Variants in CDR2L observed in about 807,000 individuals in gnomAD.
CDR2L encodes the protein cerebellar degeneration related protein 2 like.
Under a neutral mutation model 36.1 loss-of-function variants are expected in CDR2L, and 19 were observed. The ratio of observed to expected loss-of-function variants is 0.53; its 90% CI spans 0.37 to 0.77. The LOEUF is 0.77. CDR2L is among the 30% of genes least tolerant of loss of function. CDR2L has a pLI of 0.00. For synonymous variants in CDR2L, 285 were observed against 280.4 expected (o/e 1.02, Z -0.16); for missense variants, 575 against 627.2 (o/e 0.92, Z 0.89).
intron 1 of CDR2L, among the ~76,000 whole-genome samples, chr17:74,996,702 G>A (rs1012177661): frequency 6.6e-6 from 1 of 152,064 alleles, no homozygotes; most frequent in Non-Finnish European, 1.5e-5. Flanking sequence ...CCTTGGACTG[G>A]GGTCAGGGAG....
Position 75,001,391 on chromosome 17 carries a change from C to T in CDR2L, c.243C>T (p.Ala81=). 1 of 1,611,868 alleles carries T rather than the reference C, an allele frequency of 6.2e-7. No homozygotes were observed. Among genetic ancestry groups the T allele is most frequent in the Non-Finnish European group, 8.5e-7 (1 of 1,179,212 alleles). Residue 81 remains alanine (A), a synonymous_variant, in exon 3 of 5, where the codon GCC becomes GCT. Transcript: ENST00000337231. ...DTLRHVNEQH[A]KVYEQLDLTA... is the part of the protein sequence containing the mutation. ...TGCGGCACGTGAACGAGCAGCACGC[C>T]AAAGTCTATGAGCAGCTGGACCTGA...
rs1360859330 is a variant in CDR2L, at chr17:74,997,565, G to A, written c.80-1939G>A. ...GATTCTGTCCTAGATACTGTCCTGG[G>A]TCCTGGGGATATTCATGAGCAAAAC... is the stretch of plus-strand genomic sequence containing the variant. On this transcript the variant is annotated intron_variant, in intron 1 of 4. Coordinates refer to ENST00000337231, the MANE Select transcript of CDR2L (RefSeq NM_014603.3). Among the ~76,000 whole-genome samples, 3 of 152,196 alleles carry A rather than the reference G, an allele frequency of 2.0e-5. 1 individual carries two copies. Among genetic ancestry groups the A allele is most frequent in the South Asian group, 4.1e-4 (2 of 4,822 alleles).
At chr17:74,993,484 C>T (rs911420822) in intron 1 of CDR2L, among the ~76,000 whole-genome samples, 1 of 152,122 alleles carries the variant, frequency 6.6e-6, no homozygotes, top group Non-Finnish European at 1.5e-5. Flanking sequence ...CTATGTTGCC[C>T]AGTGCAATGA....
intron 2 of CDR2L, among the ~76,000 whole-genome samples, chr17:75,000,372 A>G (rs2039857623): frequency 0.03 from 2 of 66 alleles, no homozygotes; most frequent in Non-Finnish European, 0.059. Context: ...ATCTGGGCTC[A>G]CTGCAGCTCT....
intron 2 of CDR2L, 69 bp downstream of exon 2, chr17:74,999,685 C>A: frequency 1.1e-6 from 1 of 918,296 alleles, no homozygotes; most frequent in Non-Finnish European, 1.7e-6. Flanking sequence ...CTTTATGCAA[C>A]TTAGAATAAG....
chr17:74,987,748 C>T lies in CDR2L; in HGVS notation c.-296C>T, dbSNP rs1236857315. 1 of 180,636 alleles carries T rather than the reference C, an allele frequency of 5.5e-6. No individual in the cohort carries two copies. Among genetic ancestry groups the T allele is most frequent in the Non-Finnish European group, 1.2e-5 (1 of 86,956 alleles). 11.2% of individuals were successfully genotyped at this position (180,636 alleles called of 1,614,324 possible). A position where few individuals can be genotyped will look rare whatever the true frequency, so the allele number is the denominator to read the frequency against. On this transcript the variant is annotated 5_prime_UTR_variant, in exon 1 of 5. Coordinates refer to ENST00000337231, the MANE Select transcript of CDR2L (RefSeq NM_014603.3). Reference sequence around the variant, plus strand: ...GCTCCTAGCGCCCCAGACCCGCCTGCGGGCCCGGATCCTCCTTGCCACTGT... The same window carrying T: ...GCTCCTAGCGCCCCAGACCCGCCTGTGGGCCCGGATCCTCCTTGCCACTGT...
Position 75,003,834 on chromosome 17 carries a change from G to A in CDR2L, c.1158G>A (p.Val386=), listed in dbSNP as rs2039885407. The change falls in exon 5 of 5, where the codon GTG becomes GTA. Residue 386 remains valine, a synonymous_variant. Transcript: ENST00000337231. ...GGGCCGGAGTGCGGCACGCCGGCGT[G>A]CAGACCTCGCGCCCCATCTCCCGGG... is the stretch of plus-strand genomic sequence containing the variant. ...QHGAGVRHAG[V]QTSRPISRDS... 6.4e-7 allele frequency: 1 copy of A among 1,569,088 alleles called. No individual in the cohort carries two copies. Among genetic ancestry groups the A allele is most frequent in the African/African-American group, 1.4e-5 (1 of 73,806 alleles).
rs143437984 is a variant in CDR2L at position 75,003,482 on chromosome 17, A to C, written c.806A>C (p.Asp269Ala). ...AAGACCTACCTACTGGGTCCGGACG[A>C]CCACCTGGCCGAGGCCCTGCTCGCA... ...QAKTYLLGPD[D>A]HLAEALLAPL... Residue 269 changes from aspartate (D) to alanine (A), a missense_variant, in exon 5 of 5, where the codon GAC (aspartate) becomes GCC (alanine). Coordinates refer to ENST00000337231, the MANE Select transcript of CDR2L (RefSeq NM_014603.3). The C allele has an allele frequency of 2.4e-5, 38 of 1,563,620 alleles. No homozygotes were observed. Among genetic ancestry groups the C allele is most frequent in the Admixed American group, 3.8e-5 (2 of 52,844 alleles).
chr17:75,002,082 G>A lies in CDR2L; in HGVS notation c.360G>A (p.Glu120=). ...QKIHGLTETI[E]RLQAQVEELQ... ...CCCCCAGGCTGACGGAGACCATTGA[G>A]CGCCTCCAGGCTCAGGTGGAGGAGC... The change falls in exon 4 of 5, where the codon GAG becomes GAA. Residue 120 remains glutamate, a synonymous_variant. Coordinates refer to ENST00000337231, the MANE Select transcript of CDR2L (RefSeq NM_014603.3). The surrounding 1 kb of genome is among the most constrained non-coding windows in gnomAD (Gnocchi z 4.1). The A allele has an allele frequency of 6.3e-7, 1 of 1,595,354 alleles. No individual in the cohort carries two copies. Among genetic ancestry groups the A allele is most frequent in the South Asian group, 1.1e-5 (1 of 87,890 alleles).
intron 1 of CDR2L, among the ~76,000 whole-genome samples, chr17:74,997,457 C>T (rs1029180444): frequency 6.6e-6 from 1 of 152,186 alleles, no homozygotes; most frequent in Non-Finnish European, 1.5e-5. Context: ...TCTCCCTTGC[C>T]CATCACCCCA....
In CDR2L at chr17:75,003,992, T is replaced by C; in HGVS notation, c.1316T>C (p.Leu439Pro). 6.2e-7 allele frequency: 1 copy of C among 1,610,206 alleles called. No homozygotes were observed. ...LEQSQPEYKA[L>P]FKEIFSRIQK... ...CAGAGCCAGCCCGAGTACAAGGCGC[T>C]CTTCAAAGAGATCTTCTCCAGGATC... The change falls in exon 5 of 5, where the codon CTC (leucine) becomes CCC (proline). Residue 439 changes from leucine (L) to proline (P), a missense_variant. By Grantham distance (98) the Leu-to-Pro change is moderately conservative. Coordinates refer to ENST00000337231, the MANE Select transcript of CDR2L (RefSeq NM_014603.3).
chr17:74,991,406 T>TAAAAA (rs36002396), intron 1 of CDR2L, among the ~76,000 whole-genome samples: 1 of 103,590 alleles, frequency 9.7e-6, no homozygotes, highest in Non-Finnish European at 1.9e-5. Flanking sequence ...ACTCTGTCTT[T>TAAAAA]AAAAAAAAAA....
intron 1 of CDR2L, among the ~76,000 whole-genome samples, chr17:74,997,068 C>CTTTTTTTTTTTTT: frequency 2.0e-4 from 1 of 5,116 alleles, no homozygotes; most frequent in South Asian, 6.9e-3. Flanking sequence ...TTCTTTCTTT[C>CTTTTTTTTTTTTT]TTTCTTTCTT....
intron 1 of CDR2L, among the ~76,000 whole-genome samples, chr17:74,996,075 T>C (rs1344960243): frequency 6.6e-6 from 1 of 152,122 alleles, no homozygotes; most frequent in Non-Finnish European, 1.5e-5. Flanking sequence ...CAACAGTTTT[T>C]ATTATATTCA....
chr17:74,997,033 T>G (rs940438563), intron 1 of CDR2L, among the ~76,000 whole-genome samples: 2 of 4,866 alleles, frequency 4.1e-4, no homozygotes, highest in Non-Finnish European at 4.0e-3. Context: ...TATTCACCCT[T>G]TTCTTTCTTT....
intron 1 of CDR2L, among the ~76,000 whole-genome samples, chr17:74,991,958 G>A (rs1189503517): frequency 6.6e-6 from 1 of 152,120 alleles, no homozygotes; most frequent in Non-Finnish European, 1.5e-5. Flanking sequence ...ACGGGAGGGA[G>A]GTCCTGCCTC....
Position 75,002,652 on chromosome 17 carries a change from G to A in CDR2L, c.506+424G>A, listed in dbSNP as rs1288410370. Among the ~76,000 whole-genome samples the A allele has an allele frequency of 1.3e-5, 2 of 152,204 alleles. No homozygotes were observed. The highest frequency in any genetic ancestry group is 2.9e-5 in the Non-Finnish European group (2 of 68,036). Reference sequence around the variant, plus strand: ...ATATGTAGTGGGTGTTTCAATAAGGGTCCTGGCAGGAAACAGTCTCTTACA... The same window carrying A: ...ATATGTAGTGGGTGTTTCAATAAGGATCCTGGCAGGAAACAGTCTCTTACA... On this transcript the variant is annotated intron_variant, in intron 4 of 4. Transcript: ENST00000337231. The surrounding 1 kb of genome is among the most constrained non-coding windows in gnomAD (Gnocchi z 4.1).
intron 1 of CDR2L, 75 bp downstream of exon 1, chr17:74,988,197 G>A: frequency 8.8e-7 from 1 of 1,136,450 alleles, no homozygotes; most frequent in Non-Finnish European, 1.2e-6. Flanking sequence ...ATTGTTGGGC[G>A]CTATCACCCC....
rs1191565128 is a variant in CDR2L at position 75,002,934 on chromosome 17, C to T, written c.507-249C>T. On this transcript the variant is annotated intron_variant, in intron 4 of 4. Transcript: ENST00000337231. This position sits in a 1 kb window ranked among gnomAD's most constrained non-coding sequence, Gnocchi z 4.1. ...CCTCGGACCTCTAGCCAGTGCCTCT[C>T]ATGGGCCAAGCTCAGGAGAGAACCA... 6.6e-6 allele frequency among the ~76,000 whole-genome samples: 1 copy of T among 152,220 alleles called. No homozygotes were observed. The highest frequency in any genetic ancestry group is 1.5e-5 in the Non-Finnish European group (1 of 68,034).
Sources: gnomAD v4.1 joint callset for allele counts (sites outside exome capture counted in the v4.1 genomes callset) on GRCh38, gnomAD v4.1.1 for gene constraint, Gnocchi (gnomAD v3.1) non-coding constraint, MANE v1.5 for transcripts, NCBI Gene and HGNC (gene_info 2026-07-23, HGNC 2026-07-21) for gene names.